The following LINGO2 variants were observed in gnomAD, a reference collection of about 807,000 sequenced individuals.
The protein encoded by LINGO2 is leucine-rich repeat and immunoglobulin-like domain-containing nogo receptor-interacting protein 2.
LINGO2 carries 14 observed loss-of-function variants against 30.6 expected under a neutral mutation model. The observed-to-expected ratio is 0.46, with a 90% CI of 0.30 to 0.72. The LOEUF (loss-of-function observed/expected upper bound fraction) is 0.72, where lower values mean the gene tolerates loss of function less well. Among genes scored for constraint, LINGO2 ranks in the 30% least tolerant of loss-of-function variants. LINGO2 has a pLI of 0.07. For missense variants in LINGO2, 729 were observed against 751.7 expected, an observed-to-expected ratio of 0.97 and a Z score of 0.35; for synonymous variants, 317 against 288.5, an observed-to-expected ratio of 1.10 and a Z score of -1.00.
At chr9:28,510,861 G>A (rs1820354839) in intron 1 of LINGO2, among the ~76,000 whole-genome samples, 1 of 152,094 alleles carries the variant, frequency 6.6e-6, no homozygotes, top group South Asian at 2.1e-4. Context: ...TGCAAGTTGA[G>A]GAGCAAAGAG....
intron 1 of LINGO2, among the ~76,000 whole-genome samples, chr9:28,480,936 C>G (rs940651843): frequency 6.6e-6 from 1 of 152,156 alleles, no homozygotes; most frequent in Non-Finnish European, 1.5e-5. Context: ...ACTAAGTCAT[C>G]TGCCTCAACA....
the LINGO2 span, among the ~76,000 whole-genome samples, chr9:28,685,493 CAT>C: frequency 1.3e-5 from 2 of 152,140 alleles, no homozygotes; most frequent in Non-Finnish European, 2.9e-5. Context: ...TACAATTACT[CAT>C]AGAAAAAGAT....
the LINGO2 span, among the ~76,000 whole-genome samples, chr9:28,785,227 A>G: frequency 2.9e-3 from 437 of 152,304 alleles, 5 homozygotes; most frequent in African/African-American, 9.9e-3. Flanking sequence ...ACATTACATT[A>G]TGAAGAGTCT....
chr9:28,227,159 T>C (rs1234666872), intron 4 of LINGO2, among the ~76,000 whole-genome samples: 1 of 152,084 alleles, frequency 6.6e-6, no homozygotes, highest in African/African-American at 2.4e-5. Context: ...TGCCTTCCAA[T>C]GTACAGATCA....
chr9:28,383,970 G>C (rs1272528287), intron 2 of LINGO2, among the ~76,000 whole-genome samples: 1 of 151,888 alleles, frequency 6.6e-6, no homozygotes, highest in Non-Finnish European at 1.5e-5. Flanking sequence ...AAGTTATAAG[G>C]CTTGAGGGCA....
intron 1 of LINGO2, among the ~76,000 whole-genome samples, chr9:28,487,658 T>A (rs186053779): frequency 7.0e-4 from 106 of 152,248 alleles, no homozygotes; most frequent in African/African-American, 2.4e-3. Context: ...CAAGAAATAC[T>A]AACATAAACA....
the LINGO2 span, among the ~76,000 whole-genome samples, chr9:28,836,113 C>A: frequency 6.6e-6 from 1 of 152,128 alleles, no homozygotes; most frequent in African/African-American, 2.4e-5. Flanking sequence ...CTCACTGAGC[C>A]ATGGCAGAAA....
At chr9:28,355,611 C>A (rs1820170396) in intron 3 of LINGO2, among the ~76,000 whole-genome samples, 1 of 152,020 alleles carries the variant, frequency 6.6e-6, no homozygotes, top group Non-Finnish European at 1.5e-5. Context: ...TTTCTCACTT[C>A]ACAGGTGGAC....
intron 1 of LINGO2, among the ~76,000 whole-genome samples, chr9:28,620,397 C>T (rs976233758): frequency 6.6e-6 from 1 of 152,100 alleles, no homozygotes; most frequent in South Asian, 2.1e-4. Context: ...ATCCTCTTTG[C>T]CCCATTCAGT....
chr9:28,184,514 G>C (rs1479340541), intron 4 of LINGO2, among the ~76,000 whole-genome samples: 1 of 151,312 alleles, frequency 6.6e-6, no homozygotes, highest in Non-Finnish European at 1.5e-5. Context: ...GGACAAGTAT[G>C]GTTAATAAAG....
chr9:28,367,644 T>C (rs1318932011), intron 3 of LINGO2, among the ~76,000 whole-genome samples: 1 of 150,998 alleles, frequency 6.6e-6, no homozygotes, highest in East Asian at 1.9e-4. Context: ...TAGGTGACTC[T>C]TTTTTTCCCC....
intron 5 of LINGO2, among the ~76,000 whole-genome samples, chr9:28,008,038 T>C (rs990147779): frequency 2.6e-5 from 4 of 152,148 alleles, no homozygotes; most frequent in Non-Finnish European, 5.9e-5. Context: ...CACTTTTTGT[T>C]GAAATCAGGG....
chr9:28,046,770 ACT>A (rs1366419280), intron 4 of LINGO2, among the ~76,000 whole-genome samples: 3 of 151,884 alleles, frequency 2.0e-5, no homozygotes, highest in Non-Finnish European at 4.4e-5. Flanking sequence ...CCCTGATGCA[ACT>A]CTGTTATATA....
intron 5 of LINGO2, among the ~76,000 whole-genome samples, chr9:27,953,119 G>C (rs1265252802): frequency 6.6e-6 from 1 of 151,992 alleles, no homozygotes; most frequent in Non-Finnish European, 1.5e-5. Flanking sequence ...GTTTTTGCCT[G>C]TCATATTGAT....
chr9:29,072,611 T>TTATATATATATATATA, the LINGO2 span, among the ~76,000 whole-genome samples: 465 of 140,298 alleles, frequency 3.3e-3, 14 homozygotes, highest in African/African-American at 7.2e-3. Context: ...TGTCTCTCTT[T>TTATATATATATATATA]GATATATATA....
the LINGO2 span, among the ~76,000 whole-genome samples, chr9:29,109,974 A>G: frequency 1.9e-3 from 289 of 152,328 alleles, 1 homozygote; most frequent in African/African-American, 6.6e-3. Flanking sequence ...ACAGATGAGA[A>G]GATACTTCCT....
the LINGO2 span, among the ~76,000 whole-genome samples, chr9:28,724,053 A>C: frequency 6.6e-6 from 1 of 152,256 alleles, no homozygotes; most frequent in South Asian, 2.1e-4. Flanking sequence ...ATACCATATA[A>C]AGAAGATAAA....
rs564609766 is a variant in LINGO2, at chr9:28,324,524, G to A, written c.-245-29158C>T. ...AGACCTTGCTGATAAAATAGCCTGT[G>A]GTAAAGAATCTGCCAAAACCCACCA... On this transcript the variant is annotated intron_variant, in intron 3 of 5. Coordinates refer to ENST00000379992, the Ensembl canonical transcript of LINGO2. 1.6e-4 allele frequency among the ~76,000 whole-genome samples: 24 copies of A among 152,236 alleles called. 1 individual carries two copies. The highest frequency in any genetic ancestry group is 1.4e-3 in the Admixed American group (22 of 15,288).
the LINGO2 span, among the ~76,000 whole-genome samples, chr9:28,880,200 C>T: frequency 4.6e-5 from 7 of 152,242 alleles, no homozygotes; most frequent in African/African-American, 1.7e-4. Flanking sequence ...CCTCCGCCTC[C>T]CAGGTGTAGG....
Sources: allele counts gnomAD v4.1 joint callset (sites outside exome capture counted in the v4.1 genomes callset), GRCh38; gene constraint gnomAD v4.1.1; transcripts MANE v1.5; gene names NCBI Gene and HGNC (gene_info 2026-07-23, HGNC 2026-07-21).